The following MACROH2A1 variants were observed in gnomAD, a reference collection of about 807,000 sequenced individuals.
The protein encoded by MACROH2A1 is core histone macro-H2A.1.
A neutral mutation model predicts 31.6 loss-of-function variants in MACROH2A1; 2 were observed. That is an observed-to-expected ratio of 0.06 (90% CI 0.03 to 0.20). The LOEUF (loss-of-function observed/expected upper bound fraction) is 0.20, where lower values mean the gene tolerates loss of function less well. MACROH2A1 is among the 10% of genes least tolerant of loss of function. The pLI, the probability that MACROH2A1 is intolerant of heterozygous loss-of-function variation, is 1.00. For missense variants in MACROH2A1, 230 were observed against 474.0 expected, an observed-to-expected ratio of 0.49 and a Z score of 4.78; for synonymous variants, 169 against 189.6, an observed-to-expected ratio of 0.89 and a Z score of 0.89.
At chr5:135,359,808 T>A in intron 5 of MACROH2A1, 1 of 949,900 alleles carries the variant, frequency 1.1e-6, no homozygotes, top group Non-Finnish European at 1.3e-6. Flanking sequence ...CACCCCTTTT[T>A]GATGTCAATA....
In MACROH2A1 at chr5:135,345,957, TCCCA is replaced by T; in HGVS notation, c.778+7_778+10del. 6.6e-5 allele frequency: 105 copies of T among 1,584,040 alleles called. No homozygotes were observed. The highest frequency in any genetic ancestry group is 8.3e-5 in the Non-Finnish European group (96 of 1,152,664). On this transcript the variant is annotated splice_region_variant and intron_variant, in intron 7 of 8. Coordinates refer to ENST00000511689, the MANE Select transcript of MACROH2A1 (RefSeq NM_138610.3). ...CACAACCAGATAAGCACGGTGGCTT[TCCCA>T]CCTCACCTCCAGCTACTTCCAAGGG...
chr5:135,351,980 C>A lies in MACROH2A1; in HGVS notation c.688+966G>T, dbSNP rs1366213694. Among the ~76,000 whole-genome samples, 2 of 151,816 alleles carry A rather than the reference C, an allele frequency of 1.3e-5. 1 individual carries two copies. Among genetic ancestry groups the A allele is most frequent in the East Asian group, 3.9e-4 (2 of 5,176 alleles). ...GGAAAACAAGTTCAAGCTGGACACT[C>A]TTGAGTCCAGTCCTCATGTTTTCAG... On this transcript the variant is annotated intron_variant, in intron 6 of 8. Coordinates refer to ENST00000511689, the MANE Select transcript of MACROH2A1 (RefSeq NM_138610.3).
At chr5:135,364,449 T>C (rs1043446809) in intron 4 of MACROH2A1, among the ~76,000 whole-genome samples, 2 of 151,494 alleles carry the variant, frequency 1.3e-5, no homozygotes, top group African/African-American at 4.9e-5. Context: ...CTTTCTTCTA[T>C]GAAATGGAAT....
intron 8 of MACROH2A1, chr5:135,337,984 T>C (rs533794819): frequency 8.3e-7 from 1 of 1,207,746 alleles, no homozygotes; most frequent in East Asian, 7.1e-5. Flanking sequence ...TGCTCTGGAC[T>C]GCGCAGGCTG....
At chr5:135,341,071 T>C (rs557329959) in intron 8 of MACROH2A1, among the ~76,000 whole-genome samples, 2 of 152,366 alleles carry the variant, frequency 1.3e-5, no homozygotes, top group Admixed American at 1.3e-4. Context: ...ATATGAAAGG[T>C]TGTGAAATTA....
chr5:135,352,381 T>C (rs957600306), intron 6 of MACROH2A1, among the ~76,000 whole-genome samples: 6 of 152,228 alleles, frequency 3.9e-5, no homozygotes, highest in East Asian at 3.8e-4. Context: ...CTTGGAGATA[T>C]TGCCCTTCTG....
intron 1 of MACROH2A1, among the ~76,000 whole-genome samples, chr5:135,392,052 A>G (rs1016094036): frequency 4.6e-5 from 7 of 152,174 alleles, no homozygotes; most frequent in Admixed American, 1.3e-4. Context: ...TGAGCCTGTC[A>G]CACTGTGTTA....
intron 5 of MACROH2A1, chr5:135,358,231 T>G (rs765611950): frequency 1.0e-6 from 1 of 985,300 alleles, no homozygotes; most frequent in Non-Finnish European, 1.2e-6. Flanking sequence ...AATGCTCTAA[T>G]GTATCAATGC....
At chr5:135,379,600 TG>T (rs372696593) in intron 2 of MACROH2A1, among the ~76,000 whole-genome samples, 513 of 152,264 alleles carry the variant, frequency 3.4e-3, no homozygotes, top group African/African-American at 0.012. Context: ...TGGGTTGACT[TG>T]ACTAGACATA....
At chr5:135,335,898 C>T (rs535951935) in intron 8 of MACROH2A1, among the ~76,000 whole-genome samples, 2 of 152,282 alleles carry the variant, frequency 1.3e-5, no homozygotes, top group South Asian at 2.1e-4. Context: ...CAGGGGACCC[C>T]GGAGGAGATG....
rs550590571 is a variant in MACROH2A1, at chr5:135,359,386, A to C, written c.588+1111T>G. The stretch of plus-strand genomic sequence containing the variant: ...AGTCGAAATTTTTAAAGGAACAAAA[A>C]ATATTTTAAAACAAAAACTTTCAAA... On this transcript the variant is annotated intron_variant, in intron 5 of 8. Transcript: ENST00000511689. 21 of 985,160 alleles carry C rather than the reference A, an allele frequency of 2.1e-5. No individual in the cohort carries two copies. In the Admixed American group the frequency reaches 1.0e-3, roughly 49 times the overall value. 61.0% of individuals were successfully genotyped at this position (985,160 alleles called of 1,614,324 possible). A position where few individuals can be genotyped will look rare whatever the true frequency, so the allele number is the denominator to read the frequency against.
At chr5:135,352,760 A>C (rs1761733060) in intron 6 of MACROH2A1, among the ~76,000 whole-genome samples, 186 bp downstream of exon 6, 1 of 152,322 alleles carries the variant, frequency 6.6e-6, no homozygotes, top group South Asian at 2.1e-4. Context: ...CACTTAATGA[A>C]ACAGACCGTT....
chr5:135,389,914 C>T (rs867999953), intron 1 of MACROH2A1, among the ~76,000 whole-genome samples: 37 of 152,328 alleles, frequency 2.4e-4, no homozygotes, highest in African/African-American at 8.7e-4. Context: ...ATGGGTGGGG[C>T]AATCTGGGTA....
rs3733728 is a variant in MACROH2A1 at position 135,335,051 on chromosome 5, C to T, written c.1044G>A (p.Thr348=). 0.047 allele frequency: 76,515 copies of T among 1,612,706 alleles called. 2,075 individuals are homozygous for T. The highest frequency in any genetic ancestry group is 0.07 in the South Asian group (6,380 of 90,842). The part of the protein sequence containing the change: ...FVSTMSSSIK[T]VYFVLFDSES... ...CGCTGTCAAAAAGCACGAAGTACAC[C>T]GTTTTGATGGAAGAGGACATTGTAG... Residue 348 remains threonine (T), a synonymous_variant, in exon 9 of 9, where the codon ACG becomes ACA. Coordinates refer to ENST00000511689, the MANE Select transcript of MACROH2A1 (RefSeq NM_138610.3).
At chr5:135,356,453 T>C (rs940456965) in intron 5 of MACROH2A1, 12 of 152,390 alleles carry the variant, frequency 7.9e-5, no homozygotes, top group African/African-American at 2.2e-4. Flanking sequence ...CCCTGAGTGC[T>C]GCACAGTGCC....
chr5:135,353,083 G>C, intron 5 of MACROH2A1, 38 bp from the exon 6 acceptor site: 1 of 1,308,238 alleles, frequency 7.6e-7, no homozygotes. Context: ...TAACAGGAGA[G>C]CTGGGAAGTC....
At chr5:135,337,887 T>C in intron 8 of MACROH2A1, 1 of 1,018,458 alleles carries the variant, frequency 9.8e-7, no homozygotes, top group Non-Finnish European at 1.2e-6. Flanking sequence ...CTGGATTTGT[T>C]TCCAGGACAA....
intron 6 of MACROH2A1, among the ~76,000 whole-genome samples, chr5:135,352,248 T>C (rs1316914623): frequency 6.6e-6 from 1 of 152,192 alleles, no homozygotes; most frequent in African/African-American, 2.4e-5. Context: ...GTGCCACATA[T>C]GCAAAGATAA....
intron 5 of MACROH2A1, chr5:135,358,721 A>G: frequency 1.1e-6 from 1 of 935,326 alleles, no homozygotes; most frequent in Non-Finnish European, 1.3e-6. Flanking sequence ...GTAATTTATT[A>G]TAGAGTATCA....
Sources: gnomAD v4.1 joint callset for allele counts (sites outside exome capture counted in the v4.1 genomes callset) on GRCh38, gnomAD v4.1.1 for gene constraint, MANE v1.5 for transcripts, NCBI Gene and HGNC (gene_info 2026-07-23, HGNC 2026-07-21) for gene names.